Variants in CDKN2C observed in about 807,000 individuals in gnomAD.
CDKN2C encodes the protein cyclin-dependent kinase 4 inhibitor C.
CDKN2C carries 5 observed loss-of-function variants against 11.0 expected under a neutral mutation model. The observed-to-expected ratio is 0.45, with a 90% CI of 0.24 to 0.95. The LOEUF is 0.95. Among genes scored for constraint, CDKN2C ranks in the 40% least tolerant of loss-of-function variants. CDKN2C has a pLI of 0.21. For missense variants in CDKN2C, 161 were observed against 211.9 expected (o/e 0.76, Z 1.49); for synonymous variants, 79 against 88.3 (o/e 0.89, Z 0.59).
At chr1:50,961,474 C>T (rs1293119194) in intron 1 of CDKN2C, among the ~76,000 whole-genome samples, 1 of 152,162 alleles carries the variant, frequency 6.6e-6, no homozygotes, top group Admixed American at 6.5e-5. Context: ...TTGTAATTGT[C>T]GTCCAGGTTA....
At chr1:50,961,002 T>C (rs1645316162) in intron 1 of CDKN2C, among the ~76,000 whole-genome samples, 1 of 142,022 alleles carries the variant, frequency 7.0e-6, no homozygotes, top group Non-Finnish European at 1.5e-5. Context: ...GCTTTGAATA[T>C]AGTCAGTCTA....
rs772460653 is a variant in CDKN2C, at chr1:50,970,328, A to G, written c.-41A>G. 24 of 1,612,536 alleles carry G rather than the reference A, an allele frequency of 1.5e-5. No individual in the cohort carries two copies. In the East Asian group the frequency reaches 5.3e-4, roughly 36 times the overall value. ...AGCAAAGGAAAGGGGAAAAAGAAAA[A>G]CGACTAATTCATCTTTTCCTGATCG... On this transcript the variant is annotated 5_prime_UTR_variant, in exon 1 of 2. Coordinates refer to ENST00000371761, the MANE Select transcript of CDKN2C (RefSeq NM_078626.3).
intron 1 of CDKN2C, among the ~76,000 whole-genome samples, chr1:50,961,473 TC>T (rs1307167710): frequency 6.6e-6 from 1 of 152,258 alleles, no homozygotes; most frequent in African/African-American, 2.4e-5. Context: ...TTTGTAATTG[TC>T]GTCCAGGTTA....
At chr1:50,966,593 A>G (rs1032359808), upstream of CDKN2C, among the ~76,000 whole-genome samples, 3 of 152,202 alleles carry the variant, frequency 2.0e-5, no homozygotes, top group Admixed American at 1.3e-4. Flanking sequence ...CTAGCCCTCA[A>G]TAAATACTAG....
chr1:50,969,607 A>C (rs2147955982), upstream of CDKN2C: 1 of 152,790 alleles, frequency 6.5e-6, no homozygotes, highest in Non-Finnish European at 1.5e-5. The surrounding 1 kb of genome is among the most constrained non-coding windows in gnomAD (Gnocchi z 6.6). Flanking sequence ...CCTGAGCGGC[A>C]TTAGCCCACG....
Position 50,970,323 on chromosome 1 carries a change from G to GA in CDKN2C, c.-41dup. ...TTAGGAGCAAAGGAAAGGGGAAAAA[G>GA]AAAAACGACTAATTCATCTTTTCCT... is the stretch of plus-strand genomic sequence containing the variant. On this transcript the variant is annotated 5_prime_UTR_variant, in exon 1 of 2. It removes the in-frame stop codon of an upstream open reading frame in the 5' UTR. Coordinates refer to ENST00000371761, the MANE Select transcript of CDKN2C (RefSeq NM_078626.3). 6.2e-7 allele frequency: 1 copy of GA among 1,611,256 alleles called. No homozygotes were observed.
At chr1:50,970,243 C>T, upstream of CDKN2C, 4 of 1,187,314 alleles carry the variant, frequency 3.4e-6, no homozygotes, top group Non-Finnish European at 4.8e-6. Context: ...AAGCTCTACT[C>T]CAGATTAACC....
intron 1 of CDKN2C, among the ~76,000 whole-genome samples, chr1:50,971,230 C>T (rs1277111664): frequency 6.6e-6 from 1 of 152,126 alleles, no homozygotes. Flanking sequence ...TTTTCCTCTT[C>T]TGAATGTTAT....
rs1645373332 is a variant in CDKN2C, at chr1:50,970,386, G to A, written c.18G>A (p.Gly6=). Residue 6 remains glycine, a synonymous_variant, in exon 1 of 2, where the codon GGG becomes GGA. Coordinates refer to ENST00000371761, the MANE Select transcript of CDKN2C (RefSeq NM_078626.3). MAEPW[G]NELASAAARG... ...CCTAAAGAATGGCCGAGCCTTGGGG[G>A]AACGAGTTGGCGTCCGCAGCTGCCA... The A allele has an allele frequency of 3.1e-6, 5 of 1,614,146 alleles. No homozygotes were observed. The highest frequency in any genetic ancestry group is 4.2e-6 in the Non-Finnish European group (5 of 1,180,030).
rs545205889 is a variant in CDKN2C at position 50,961,632 on chromosome 1, A to G, written c.-1976+829A>G. Among the ~76,000 whole-genome samples, 25 of 152,344 alleles carry G rather than the reference A, an allele frequency of 1.6e-4. 2 individuals carry two copies. The South Asian group carries it at 5.0e-3, about 30-fold the overall frequency. On this transcript the variant is annotated intron_variant, in intron 1 of 3. Transcript: ENST00000262662. ...GCTGATTTTATCCTGTAGAGCTAAA[A>G]TAACTAGTGAAATCATCATGTAGCA...
chr1:50,971,896 G>T (rs1355843403), intron 1 of CDKN2C, among the ~76,000 whole-genome samples: 1 of 152,108 alleles, frequency 6.6e-6, no homozygotes, highest in African/African-American at 2.4e-5. Flanking sequence ...CTTAGTCCTT[G>T]TACATATAAC....
chr1:50,964,077 G>A (rs1645336661), intron 1 of CDKN2C, among the ~76,000 whole-genome samples: 1 of 151,886 alleles, frequency 6.6e-6, no homozygotes, highest in Non-Finnish European at 1.5e-5. Flanking sequence ...TATGCTTTTA[G>A]CCCATTTTTC....
At chr1:50,970,134 G>A, upstream of CDKN2C, 1 of 570,834 alleles carries the variant, frequency 1.8e-6, no homozygotes, top group East Asian at 3.0e-5. Context: ...AAAAAAGCGA[G>A]GCGAGGAGCC....
chr1:50,961,327 T>C (rs1393185725), intron 1 of CDKN2C, among the ~76,000 whole-genome samples: 3 of 152,228 alleles, frequency 2.0e-5, no homozygotes, highest in African/African-American at 7.2e-5. Context: ...CGTGAGCCAC[T>C]GCACCCGGCC....
chr1:50,965,537 C>T (rs1645343963), upstream of CDKN2C, among the ~76,000 whole-genome samples: 1 of 151,864 alleles, frequency 6.6e-6, no homozygotes, highest in Admixed American at 6.6e-5. Context: ...TAGTAAGACC[C>T]CATCTCCACA....
chr1:50,970,299 TAGGAGCAA>T lies in CDKN2C; in HGVS notation c.-65_-58del. ...CTCCGATGCCATCATGCAGCCTGGT[TAGGAGCAA>T]AGGAAAGGGGAAAAAGAAAAACGAC... On this transcript the variant is annotated 5_prime_UTR_variant, in exon 1 of 2. The change abolishes the stop of an existing upstream ORF in the 5' untranslated region. Transcript: ENST00000371761. 6.3e-7 allele frequency: 1 copy of T among 1,592,732 alleles called. No homozygotes were observed. The highest frequency in any genetic ancestry group is 8.6e-7 in the Non-Finnish European group (1 of 1,167,516).
upstream of CDKN2C, among the ~76,000 whole-genome samples, chr1:50,966,787 C>T (rs1645348941): frequency 6.6e-6 from 1 of 150,546 alleles, no homozygotes; most frequent in African/African-American, 2.4e-5. Context: ...CTCAGCAAAA[C>T]CACTGAAGTA....
intron 1 of CDKN2C, among the ~76,000 whole-genome samples, chr1:50,962,665 C>T (rs932861520): frequency 6.6e-6 from 1 of 152,176 alleles, no homozygotes; most frequent in Non-Finnish European, 1.5e-5. Flanking sequence ...TTTCCTTTCT[C>T]TCCATCTGGA....
At position 50,974,145 on chromosome 1, in the gene CDKN2C, A is replaced by C; in HGVS notation, c.382A>C (p.Ser128Arg). ...GGAGTTCCTGGTGAAGCACACGGCC[A>C]GCAATGTGGGGCATCGGAACCATAA... is the stretch of plus-strand genomic sequence containing the variant. ...VVEFLVKHTA[S>R]NVGHRNHKGD... The change falls in exon 2 of 2, where the codon AGC (serine) becomes CGC (arginine). Residue 128 changes from serine to arginine, a missense_variant. Coordinates refer to ENST00000371761, the MANE Select transcript of CDKN2C (RefSeq NM_078626.3). The C allele has an allele frequency of 6.2e-7, 1 of 1,614,196 alleles. No individual in the cohort carries two copies. Among genetic ancestry groups the C allele is most frequent in the Non-Finnish European group, 8.5e-7 (1 of 1,180,020 alleles).
Sources: allele counts gnomAD v4.1 joint callset (sites outside exome capture counted in the v4.1 genomes callset), GRCh38; gene constraint gnomAD v4.1.1; non-coding constraint Gnocchi (gnomAD v3.1); transcripts MANE v1.5; gene names NCBI Gene and HGNC (gene_info 2026-07-23, HGNC 2026-07-21).